Variants in ZNF143 observed in about 807,000 individuals in gnomAD.
ZNF143 encodes the protein SPH-binding factor.
Under a neutral mutation model 74.1 loss-of-function variants are expected in ZNF143, and 49 were observed. The observed-to-expected ratio is 0.66, with a 90% CI of 0.53 to 0.84. The LOEUF (loss-of-function observed/expected upper bound fraction) is 0.84. ZNF143 is among the 40% of genes least tolerant of loss of function. The probability of loss-of-function intolerance (pLI) is 0.00; values close to 1 mark genes in which losing one functional copy is unlikely to be tolerated. For missense variants in ZNF143, 637 were observed against 793.4 expected, an observed-to-expected ratio of 0.80 and a Z score of 2.37; for synonymous variants, 304 against 282.8, an observed-to-expected ratio of 1.07 and a Z score of -0.75.
intron 12 of ZNF143, among the ~76,000 whole-genome samples, chr11:9,511,203 C>T (rs1046223998): frequency 2.4e-5 from 3 of 124,398 alleles, no homozygotes; most frequent in East Asian, 2.2e-4. Flanking sequence ...CCCTGCCTCC[C>T]GGGTTCAAGT....
chr11:9,497,247 T>C (rs556579872), intron 9 of ZNF143, among the ~76,000 whole-genome samples: 4 of 152,230 alleles, frequency 2.6e-5, no homozygotes, highest in Non-Finnish European at 4.4e-5. Context: ...TTGTTTGTTT[T>C]TGAGACAGAA....
Position 9,512,709 on chromosome 11 carries a change from A to G in ZNF143, c.1524+113A>G, listed in dbSNP as rs1003001021. 2.2e-5 allele frequency: 30 copies of G among 1,356,442 alleles called. No homozygotes were observed. The Admixed American group carries it at 5.1e-4, about 23-fold the overall frequency. 84.0% of individuals were successfully genotyped at this position (1,356,442 alleles called of 1,614,324 possible). On this transcript the variant is annotated intron_variant, in intron 13 of 15. Transcript: ENST00000396602. ...TGAAATATCAGGGCACAAAGTTTGG[A>G]AACCCTGAGGTTTTTCAGTAGTCTG... is the stretch of plus-strand genomic sequence containing the variant.
chr11:9,486,897 T>A (rs1392242473), intron 7 of ZNF143, among the ~76,000 whole-genome samples: 1 of 150,068 alleles, frequency 6.7e-6, no homozygotes, highest in Non-Finnish European at 1.5e-5. Context: ...CTTGATCTCC[T>A]GACCTCGTGA....
chr11:9,499,322 G>A (rs1370862005), intron 10 of ZNF143, among the ~76,000 whole-genome samples: 1 of 152,104 alleles, frequency 6.6e-6, no homozygotes, highest in East Asian at 1.9e-4. Flanking sequence ...CCCTATCATA[G>A]CATGTCAGAG....
chr11:9,515,495 CA>C (rs1439148966), intron 13 of ZNF143, among the ~76,000 whole-genome samples: 1 of 151,110 alleles, frequency 6.6e-6, no homozygotes. Flanking sequence ...TAAAAACACA[CA>C]AAAAAAAATT....
At chr11:9,486,429 T>A (rs11042388) in intron 7 of ZNF143, among the ~76,000 whole-genome samples, 11 of 45,214 alleles carry the variant, frequency 2.4e-4, no homozygotes, top group African/African-American at 6.0e-4. Flanking sequence ...ATTATATATA[T>A]TATATATATA....
At position 9,478,497 on chromosome 11, in the gene ZNF143, C is replaced by G. The variant is rs765791347; in HGVS notation, c.481C>G (p.Gln161Glu). 6.2e-7 allele frequency: 1 copy of G among 1,614,076 alleles called. No individual in the cohort carries two copies. ...VPQSDTILAI[Q>E]ADGTVAGLHT... is the part of the protein sequence containing the mutation. ...GCAGTCTGACACCATCTTGGCAATT[C>G]AGGCTGATGGGACAGTGGCAGGTCT... The change falls in exon 6 of 16, where the codon CAG becomes GAG. Residue 161 changes from glutamine (Q) to glutamate (E), a missense_variant. Physicochemically the swap from Gln to Glu is conservative, Grantham distance 29. Transcript: ENST00000396602.
chr11:9,501,354 C>G (rs61876797), intron 11 of ZNF143, 84 bp downstream of exon 11: 17 of 1,463,176 alleles, frequency 1.2e-5, no homozygotes, highest in African/African-American at 1.4e-5. Flanking sequence ...TCCAACTAAT[C>G]TCTTCCCTCC....
At chr11:9,477,707 G>A (rs1364260790) in intron 5 of ZNF143, among the ~76,000 whole-genome samples, 2 of 152,156 alleles carry the variant, frequency 1.3e-5, no homozygotes, top group African/African-American at 4.8e-5. Flanking sequence ...TGGACATTTA[G>A]AGGGGAAAAA....
chr11:9,483,288 CTTTTTTTTTTTTTTTT>C (rs58704619), intron 7 of ZNF143, among the ~76,000 whole-genome samples: 1 of 50,200 alleles, frequency 2.0e-5, no homozygotes, highest in Non-Finnish European at 3.6e-5. Context: ...GCCAACATGC[CTTTTTTTTTTTTTTTT>C]TTTTTTTTTT....
intron 13 of ZNF143, 115 bp from the exon 14 acceptor site, chr11:9,516,086 A>G: frequency 1.5e-6 from 1 of 688,762 alleles, no homozygotes; most frequent in Admixed American, 3.0e-5. Context: ...TCATTCTAAA[A>G]GGCTTATTTA....
chr11:9,463,473 C>G (rs781746135), intron 1 of ZNF143, among the ~76,000 whole-genome samples: 5 of 152,130 alleles, frequency 3.3e-5, no homozygotes, highest in Admixed American at 6.6e-5. Flanking sequence ...TATAGTTTTT[C>G]TAGTGTGGAT....
In ZNF143 at chr11:9,478,507, G is replaced by T. The variant is rs1847108683; in HGVS notation, c.491G>T (p.Gly164Val). The change falls in exon 6 of 16, where the codon GGG becomes GTG. Residue 164 changes from glycine (G) to valine (V), a missense_variant. Gly to Val is a moderately radical substitution (Grantham distance 109). This residue lies in a region of ZNF143 where 293 missense variants were observed against 307.8 expected (regional missense o/e 0.95). Coordinates refer to ENST00000396602, the MANE Select transcript of ZNF143 (RefSeq NM_003442.6). ...ACCATCTTGGCAATTCAGGCTGATG[G>T]GACAGTGGCAGGTCTGCACACTGGG... Reference protein sequence around the residue: ...SDTILAIQADGTVAGLHTGDA... With the variant: ...SDTILAIQADVTVAGLHTGDA... 1.9e-6 allele frequency: 3 copies of T among 1,614,012 alleles called. No homozygotes were observed. The South Asian group carries it at 3.3e-5, about 18-fold the overall frequency.
intron 12 of ZNF143, among the ~76,000 whole-genome samples, chr11:9,509,109 C>A (rs191212014): frequency 1.3e-5 from 2 of 152,194 alleles, no homozygotes; most frequent in African/African-American, 4.8e-5. Flanking sequence ...GGTGAAGAAG[C>A]AGAGGTTGCT....
At chr11:9,497,622 G>T in intron 9 of ZNF143, 53 bp from the exon 10 acceptor site, 1 of 1,381,036 alleles carries the variant, frequency 7.2e-7, no homozygotes, top group East Asian at 2.4e-5. Flanking sequence ...TTCTCAGTGT[G>T]CATGTTTAGA....
At chr11:9,525,189 A>G in intron 14 of ZNF143, 51 bp from the exon 15 acceptor site, 1 of 1,606,274 alleles carries the variant, frequency 6.2e-7, no homozygotes, top group Non-Finnish European at 8.5e-7. Context: ...TAACCTATTT[A>G]AATCGCAGGT....
chr11:9,483,913 C>G (rs1252581163), intron 7 of ZNF143, among the ~76,000 whole-genome samples: 1 of 151,046 alleles, frequency 6.6e-6, no homozygotes, highest in Admixed American at 6.6e-5. Flanking sequence ...CCATGCACAG[C>G]TGACGTTTGT....
At position 9,473,954 on chromosome 11, in the gene ZNF143, A is replaced by G. The variant is rs1236447116; in HGVS notation, c.219A>G (p.Ile73Met). ...CTTTTGTTATAGATGCAAAACTCAT[A>G]GATGGCCAGGTCATTCAGTTGGAAG... ...IQHNSKDAKL[I>M]DGQVIQLEDG... Residue 73 changes from isoleucine to methionine, a missense_variant, in exon 4 of 16, where the codon ATA (isoleucine) becomes ATG (methionine). Physicochemically the swap from Ile to Met is conservative, Grantham distance 10. Coordinates refer to ENST00000396602, the MANE Select transcript of ZNF143 (RefSeq NM_003442.6). The G allele has an allele frequency of 6.2e-7, 1 of 1,614,172 alleles. No individual in the cohort carries two copies. The highest frequency in any genetic ancestry group is 8.5e-7 in the Non-Finnish European group (1 of 1,180,010).
chr11:9,469,974 A>G (rs1477187717), intron 1 of ZNF143, among the ~76,000 whole-genome samples: 4 of 152,268 alleles, frequency 2.6e-5, no homozygotes, highest in Non-Finnish European at 4.4e-5. Context: ...TCCTAAACGT[A>G]AAAAGAATTA....
Sources: allele counts gnomAD v4.1 joint callset (sites outside exome capture counted in the v4.1 genomes callset), GRCh38; gene constraint gnomAD v4.1.1; regional missense constraint gnomAD v4.1.1; transcripts MANE v1.5; gene names NCBI Gene and HGNC (gene_info 2026-07-23, HGNC 2026-07-21).